Variants in HIVEP3 observed in about 807,000 individuals in gnomAD.
HIVEP3 encodes the protein HIVEP zinc finger 3.
HIVEP3 carries 49 observed loss-of-function variants against 152.8 expected under a neutral mutation model. The observed-to-expected ratio is 0.32, with a 90% CI of 0.26 to 0.41. The LOEUF is 0.41. Ranked by LOEUF, HIVEP3 falls within the 10% of genes least tolerant of loss-of-function variation. The pLI is 1.00. For missense variants in HIVEP3, 2,790 were observed against 3,103.3 expected (o/e 0.90, Z 2.40); for synonymous variants, 1,269 against 1,289.0 (o/e 0.98, Z 0.33).
chr1:41,524,769 C>G lies in HIVEP3; in HGVS notation c.5349G>C (p.Val1783=). The change falls in exon 6 of 9, where the codon GTG becomes GTC. Residue 1783 remains valine (V), a synonymous_variant. Coordinates refer to ENST00000372583, the MANE Select transcript of HIVEP3 (RefSeq NM_024503.5). ...IRTHTDVRPY[V]CKHCHFAFKT... is the part of the protein sequence containing the mutation. Reference sequence around the variant, plus strand: ...TAAAAGCAAAGTGACAGTGCTTGCACACATAGGGCCGGACGTCAGTGTGGG... The same window carrying G: ...TAAAAGCAAAGTGACAGTGCTTGCAGACATAGGGCCGGACGTCAGTGTGGG... 6.2e-7 allele frequency: 1 copy of G among 1,614,152 alleles called. No homozygotes were observed. Among genetic ancestry groups the G allele is most frequent in the Non-Finnish European group, 8.5e-7 (1 of 1,180,030 alleles).
intron 5 of HIVEP3, among the ~76,000 whole-genome samples, chr1:41,539,330 C>G (rs1643473444): frequency 6.6e-6 from 1 of 152,210 alleles, no homozygotes; most frequent in Admixed American, 6.5e-5. Flanking sequence ...GGCAGTCCAG[C>G]TCCTCCTTCA....
intron 1 of HIVEP3, among the ~76,000 whole-genome samples, chr1:41,946,892 G>A (rs1227660397): frequency 1.3e-5 from 2 of 152,166 alleles, no homozygotes; most frequent in African/African-American, 2.4e-5. Context: ...AATTTTAGGA[G>A]TACAGAAACC....
At chr1:41,520,395 C>A (rs646228) in intron 6 of HIVEP3, among the ~76,000 whole-genome samples, 45,535 of 152,094 alleles carry the variant, frequency 0.3, 8,511 homozygotes, top group Non-Finnish European at 0.43. Context: ...ATAGTGGGAG[C>A]AAAGCCATAA....
chr1:41,667,556 G>C (rs921592540), intron 2 of HIVEP3, among the ~76,000 whole-genome samples: 1 of 152,210 alleles, frequency 6.6e-6, no homozygotes, highest in African/African-American at 2.4e-5. Context: ...CAAGCCAAGG[G>C]ACTTGCAAGA....
chr1:41,971,465 G>GC (rs1645228738), intron 1 of HIVEP3, among the ~76,000 whole-genome samples: 1 of 152,032 alleles, frequency 6.6e-6, no homozygotes, highest in South Asian at 2.1e-4. Flanking sequence ...CTGATCTGGT[G>GC]CCCCCCACCC....
At chr1:41,889,291 G>A (rs1367037407) in intron 1 of HIVEP3, among the ~76,000 whole-genome samples, 2 of 152,068 alleles carry the variant, frequency 1.3e-5, no homozygotes, top group African/African-American at 4.8e-5. Context: ...AGTGTGCTTT[G>A]CATTCCAAGT....
intron 1 of HIVEP3, among the ~76,000 whole-genome samples, chr1:41,718,147 C>A (rs1646622834): frequency 1.3e-5 from 2 of 152,214 alleles, no homozygotes; most frequent in African/African-American, 4.8e-5. Flanking sequence ...CGGCATCCAG[C>A]CCATTTTAAA....
intron 1 of HIVEP3, among the ~76,000 whole-genome samples, chr1:42,004,016 G>A (rs779232622): frequency 2.6e-5 from 4 of 152,190 alleles, no homozygotes; most frequent in Non-Finnish European, 4.4e-5. Context: ...ATCTCATGTT[G>A]TAGGTCACCC....
intron 1 of HIVEP3, among the ~76,000 whole-genome samples, chr1:41,815,244 G>C (rs537645553): frequency 6.6e-6 from 1 of 152,302 alleles, no homozygotes; most frequent in South Asian, 2.1e-4. Context: ...GGAAGCTGAG[G>C]TGGGAGGTTA....
intron 1 of HIVEP3, among the ~76,000 whole-genome samples, chr1:41,870,840 G>T (rs1281948318): frequency 6.6e-6 from 1 of 152,100 alleles, no homozygotes; most frequent in East Asian, 1.9e-4. Context: ...TCTGGGTTAG[G>T]GTCTTGACCC....
At chr1:41,951,036 A>G (rs1158110860) in intron 1 of HIVEP3, among the ~76,000 whole-genome samples, 3 of 152,206 alleles carry the variant, frequency 2.0e-5, no homozygotes, top group African/African-American at 4.8e-5. Flanking sequence ...GCAATCCCCT[A>G]GTTTCTGCTC....
chr1:41,773,689 T>C (rs1648517333), intron 1 of HIVEP3, among the ~76,000 whole-genome samples: 1 of 152,218 alleles, frequency 6.6e-6, no homozygotes, highest in African/African-American at 2.4e-5. Flanking sequence ...TCCTCTGATG[T>C]GCACAGATGA....
chr1:42,012,719 G>A (rs1202317145), intron 1 of HIVEP3, among the ~76,000 whole-genome samples: 1 of 152,022 alleles, frequency 6.6e-6, no homozygotes, highest in East Asian at 1.9e-4. Context: ...ATAAAGAGAA[G>A]AGGAAGAGAC....
At chr1:41,897,455 T>G (rs1415576069) in intron 1 of HIVEP3, among the ~76,000 whole-genome samples, 1 of 152,174 alleles carries the variant, frequency 6.6e-6, no homozygotes, top group Non-Finnish European at 1.5e-5. Context: ...AAAGCGTCCC[T>G]ACCCCTCCAC....
intron 1 of HIVEP3, among the ~76,000 whole-genome samples, chr1:41,786,109 C>T (rs1382255765): frequency 6.6e-6 from 1 of 152,226 alleles, no homozygotes; most frequent in Non-Finnish European, 1.5e-5. Flanking sequence ...TCACAGCCGG[C>T]TGCCTGGGCA....
rs144867537 is a variant in HIVEP3, at chr1:41,602,347, T to A, written c.-521-17029A>T. Among the ~76,000 whole-genome samples, 23 of 152,276 alleles carry A rather than the reference T, an allele frequency of 1.5e-4. No homozygotes were observed. The East Asian group carries it at 4.0e-3, about 27-fold the overall frequency. On this transcript the variant is annotated intron_variant, in intron 3 of 8. Transcript: ENST00000372583. ...GTTAAATCTTTAAAAAATATTTTGG[T>A]AGAATTCACCAGTGAAGCTATCTGG... is the stretch of plus-strand genomic sequence containing the variant.
chr1:41,510,459 TG>T lies in HIVEP3; in HGVS notation c.7212del (p.Asn2405ThrfsTer77). On this transcript the variant is annotated frameshift_variant, in exon 9 of 9. Transcript: ENST00000372583. LOFTEE classifies it high-confidence loss of function. ...AAGCAGTTGGAGAGAGGCTAAGCGT[TG>T]GGGGGAACCCTGTCCTCAGGCTGAT... ...HPHQPEDRVP[P>X]NA is the part of the protein sequence containing the mutation. The T allele has an allele frequency of 6.7e-7, 1 of 1,496,856 alleles. No individual in the cohort carries two copies. 92.7% of individuals were successfully genotyped at this position (1,496,856 alleles called of 1,614,324 possible). A position where few individuals can be genotyped will look rare whatever the true frequency, so the allele number is the denominator to read the frequency against.
chr1:41,777,652 T>C (rs1648792082), intron 1 of HIVEP3, among the ~76,000 whole-genome samples: 1 of 152,224 alleles, frequency 6.6e-6, no homozygotes, highest in Admixed American at 6.5e-5. Flanking sequence ...AGCTTTGGGT[T>C]AAAAGTCAAG....
intron 1 of HIVEP3, among the ~76,000 whole-genome samples, chr1:41,944,392 C>T (rs1400849019): frequency 6.6e-6 from 1 of 152,154 alleles, no homozygotes. Flanking sequence ...CAAGGCTATC[C>T]TCTCCAGAGC....
Sources: gnomAD v4.1 joint callset for allele counts (sites outside exome capture counted in the v4.1 genomes callset) on GRCh38, gnomAD v4.1.1 for gene constraint, MANE v1.5 for transcripts, NCBI Gene and HGNC (gene_info 2026-07-23, HGNC 2026-07-21) for gene names.